The following NTN4 variants were observed in gnomAD, a reference collection of about 807,000 sequenced individuals.
NTN4 encodes the protein netrin 4.
NTN4 carries 32 observed loss-of-function variants against 73.6 expected under a neutral mutation model. That is an observed-to-expected ratio of 0.44 (90% CI 0.33 to 0.58). The LOEUF is 0.58. NTN4 is among the 20% of genes least tolerant of loss of function. The probability of loss-of-function intolerance (pLI) is 0.04; values close to 1 mark genes in which losing one functional copy is unlikely to be tolerated. For missense variants in NTN4, 654 were observed against 798.3 expected (o/e 0.82, Z 2.18); for synonymous variants, 258 against 287.5 (o/e 0.90, Z 1.04).
At chr12:95,746,650 TC>T (rs1301031177) in intron 2 of NTN4, among the ~76,000 whole-genome samples, 1 of 152,136 alleles carries the variant, frequency 6.6e-6, no homozygotes, top group Non-Finnish European at 1.5e-5. Flanking sequence ...TCTCTGAAAG[TC>T]TCTTCCATAT....
rs374915899 is a variant in NTN4, at chr12:95,741,626, A to AAT, written c.586-3484_586-3483dup. Among the ~76,000 whole-genome samples the AAT allele has an allele frequency of 1.9e-3, 89 of 47,732 alleles. 2 individuals are homozygous for AAT. Among genetic ancestry groups the AAT allele is most frequent in the Admixed American group, 0.01 (54 of 5,384 alleles). The allele number at this position is 47,732 out of a possible 152,430, so 31.3% of individuals were successfully genotyped here. On this transcript the variant is annotated intron_variant, in intron 2 of 9. Coordinates refer to ENST00000343702, the MANE Select transcript of NTN4 (RefSeq NM_021229.4). ...ACTCAAGCTTTCTTTTAAAGTGTTT[A>AAT]ATATATATATATAAAAATTATATAT... is the stretch of plus-strand genomic sequence containing the variant.
In NTN4 at chr12:95,735,200, G is replaced by A. The variant is rs17024642; in HGVS notation, c.864+2666C>T. Among the ~76,000 whole-genome samples, 5,096 of 152,154 alleles carry A rather than the reference G, an allele frequency of 0.033. 440 individuals carry two copies. In the East Asian group the frequency reaches 0.35, roughly 10 times the overall value. On this transcript the variant is annotated intron_variant, in intron 3 of 9. Coordinates refer to ENST00000343702, the MANE Select transcript of NTN4 (RefSeq NM_021229.4). ...ACCAGAATAATTCACATTTCCAACCGTGGCTGCTATTGGTCCAATTGCTTA... is the reference window on the plus strand; with the variant it reads ...ACCAGAATAATTCACATTTCCAACCATGGCTGCTATTGGTCCAATTGCTTA...
chr12:95,739,640 C>T (rs544521277), intron 2 of NTN4, among the ~76,000 whole-genome samples: 2 of 152,182 alleles, frequency 1.3e-5, no homozygotes, highest in Non-Finnish European at 2.9e-5. Flanking sequence ...AACCCTTGCT[C>T]TAAATGATAT....
chr12:95,722,075 T>TG, intron 3 of NTN4, among the ~76,000 whole-genome samples: 1 of 152,098 alleles, frequency 6.6e-6, no homozygotes, highest in East Asian at 1.9e-4. Flanking sequence ...ATCTTTTTTT[T>TG]TTTTTTTTTT....
intron 2 of NTN4, among the ~76,000 whole-genome samples, chr12:95,780,035 A>T (rs2079121254): frequency 6.6e-6 from 1 of 152,244 alleles, no homozygotes; most frequent in South Asian, 2.1e-4. Context: ...ACCTGACAAA[A>T]ACAAGAAATG....
At chr12:95,683,465 A>G in intron 6 of NTN4, 33 bp downstream of exon 6, 2 of 1,587,732 alleles carry the variant, frequency 1.3e-6, no homozygotes, top group Non-Finnish European at 1.7e-6. Context: ...CCTGAAATAC[A>G]TGCAGCTGAG....
At chr12:95,745,509 T>C (rs1190419492) in intron 2 of NTN4, among the ~76,000 whole-genome samples, 1 of 152,222 alleles carries the variant, frequency 6.6e-6, no homozygotes, top group African/African-American at 2.4e-5. Context: ...TTTTTTTTGC[T>C]ATCTTTTCCT....
At chr12:95,779,371 T>C (rs1475352829) in intron 2 of NTN4, among the ~76,000 whole-genome samples, 1 of 152,252 alleles carries the variant, frequency 6.6e-6, no homozygotes, top group Non-Finnish European at 1.5e-5. Context: ...AAATTGTCCC[T>C]GTTTGCAGAT....
intron 2 of NTN4, among the ~76,000 whole-genome samples, chr12:95,755,861 A>G (rs937451751): frequency 6.6e-6 from 1 of 152,262 alleles, no homozygotes; most frequent in Non-Finnish European, 1.5e-5. Context: ...GAAACAAGAT[A>G]GAAAACCAAA....
In NTN4 at chr12:95,665,909, C is replaced by G. The variant is rs776793223; in HGVS notation, c.1651G>C (p.Val551Leu). Reference sequence around the variant, plus strand: ...ATCTTCAGTTTGGTAGATTTTAAGACCTTTTTAATCTTCACATTGACCTCA... The same window carrying G: ...ATCTTCAGTTTGGTAGATTTTAAGAGCTTTTTAATCTTCACATTGACCTCA... ...HVEVNVKIKK[V>L]LKSTKLKIFR... Residue 551 changes from valine to leucine, a missense_variant, in exon 9 of 10, where the codon GTC becomes CTC. Val to Leu is a conservative substitution (Grantham distance 32). Transcript: ENST00000343702. 6.2e-7 allele frequency: 1 copy of G among 1,613,384 alleles called. No individual in the cohort carries two copies. The highest frequency in any genetic ancestry group is 8.5e-7 in the Non-Finnish European group (1 of 1,179,404).
At chr12:95,677,094 G>A (rs2078279142) in intron 7 of NTN4, among the ~76,000 whole-genome samples, 1 of 151,902 alleles carries the variant, frequency 6.6e-6, no homozygotes. Context: ...AAATTAGCTG[G>A]GCATGGTGGC....
At chr12:95,729,869 T>C (rs1277173896) in intron 3 of NTN4, among the ~76,000 whole-genome samples, 1 of 152,286 alleles carries the variant, frequency 6.6e-6, no homozygotes, top group Non-Finnish European at 1.5e-5. Flanking sequence ...CAGATATCTA[T>C]CAGTAACCTC....
At chr12:95,694,678 A>G (rs1271812243) in intron 5 of NTN4, among the ~76,000 whole-genome samples, 2 of 152,212 alleles carry the variant, frequency 1.3e-5, no homozygotes, top group Non-Finnish European at 2.9e-5. Context: ...GCTATAAAAA[A>G]ATAAGAAAAA....
chr12:95,665,935 A>G lies in NTN4; in HGVS notation c.1625T>C (p.Val542Ala), dbSNP rs773997214. The change falls in exon 9 of 10, where the codon GTT becomes GCT. Residue 542 changes from valine to alanine, a missense_variant. Transcript: ENST00000343702. ...CTTTTTAATCTTCACATTGACCTCA[A>G]CATGAGTACCTTTATCATGAGCTGA... ...ILSAHDKGTH[V>A]EVNVKIKKVL... 5.6e-5 allele frequency: 91 copies of G among 1,613,380 alleles called. No homozygotes were observed. Among genetic ancestry groups the G allele is most frequent in the Non-Finnish European group, 7.5e-5 (89 of 1,179,564 alleles).
At chr12:95,771,042 T>G (rs902344861) in intron 2 of NTN4, among the ~76,000 whole-genome samples, 1 of 146,178 alleles carries the variant, frequency 6.8e-6, no homozygotes, top group South Asian at 2.1e-4. Context: ...CAGGCTGGAG[T>G]GCAGTGGCGC....
rs557973212 is a variant in NTN4, at chr12:95,682,057, C to CTT, written c.1510+648_1510+649dup. On this transcript the variant is annotated intron_variant, in intron 7 of 9. Coordinates refer to ENST00000343702, the MANE Select transcript of NTN4 (RefSeq NM_021229.4). ...TTCCAAACCTAATATATTCAGTAGG[C>CTT]TTTTTTTTTTTTTTTTTTTTTTTGA... 3.4e-3 allele frequency among the ~76,000 whole-genome samples: 221 copies of CTT among 64,522 alleles called. 10 individuals carry two copies. Among genetic ancestry groups the CTT allele is most frequent in the Non-Finnish European group, 3.9e-3 (150 of 38,700 alleles). The allele number at this position is 64,522 out of a possible 152,430, so 42.3% of individuals were successfully genotyped here.
intron 2 of NTN4, among the ~76,000 whole-genome samples, chr12:95,776,869 C>T (rs2079096982): frequency 6.6e-6 from 1 of 151,990 alleles, no homozygotes; most frequent in Admixed American, 6.6e-5. Context: ...TCAGATTCCC[C>T]AAAGTTGAAA....
intron 5 of NTN4, among the ~76,000 whole-genome samples, chr12:95,686,313 C>T (rs955894162): frequency 5.9e-5 from 9 of 152,248 alleles, no homozygotes; most frequent in Admixed American, 5.9e-4. Context: ...ATGTGATGTG[C>T]TGTAACAGAG....
chr12:95,707,656 C>G (rs1449459389), intron 5 of NTN4, among the ~76,000 whole-genome samples: 1 of 152,158 alleles, frequency 6.6e-6, no homozygotes, highest in African/African-American at 2.4e-5. Context: ...TCTCCTCTAT[C>G]AGAATATAAG....
Sources: allele counts gnomAD v4.1 joint callset (sites outside exome capture counted in the v4.1 genomes callset), GRCh38; gene constraint gnomAD v4.1.1; transcripts MANE v1.5; gene names NCBI Gene and HGNC (gene_info 2026-07-23, HGNC 2026-07-21).